The following RYR2 variants were observed in gnomAD, a reference collection of about 807,000 sequenced individuals.
RYR2 encodes the protein ryanodine receptor 2.
A neutral mutation model predicts 601.1 loss-of-function variants in RYR2; 227 were observed. The observed-to-expected ratio is 0.38, with a 90% confidence interval of 0.34 to 0.42. The LOEUF (loss-of-function observed/expected upper bound fraction) is 0.42. Among genes scored for constraint, RYR2 ranks in the 10% least tolerant of loss-of-function variants. The pLI is 1.00. For missense variants in RYR2, 4,646 were observed against 6,156.5 expected, an observed-to-expected ratio of 0.75 and a Z score of 8.21; for synonymous variants, 2,223 against 2,175.1, an observed-to-expected ratio of 1.02 and a Z score of -0.61.
chr1:237,061,272 C>CTAT (rs1662832866), intron 1 of RYR2, among the ~76,000 whole-genome samples: 1 of 132,468 alleles, frequency 7.5e-6, no homozygotes, highest in Non-Finnish European at 1.6e-5. Context: ...ATCTATCCAT[C>CTAT]TATCATCTAT....
chr1:237,436,234 T>G (rs1707336742), intron 12 of RYR2, among the ~76,000 whole-genome samples: 1 of 151,692 alleles, frequency 6.6e-6, no homozygotes, highest in South Asian at 2.1e-4. Flanking sequence ...AGTGATATCC[T>G]GTTCTATTCA....
chr1:237,562,920 C>T, intron 27 of RYR2, among the ~76,000 whole-genome samples: 1 of 152,108 alleles, frequency 6.6e-6, no homozygotes, highest in Non-Finnish European at 1.5e-5. Flanking sequence ...ATATATGGAG[C>T]ACTTACTTTG....
chr1:237,715,969 A>G (rs760774601), intron 71 of RYR2, among the ~76,000 whole-genome samples: 2 of 152,134 alleles, frequency 1.3e-5, no homozygotes, highest in Non-Finnish European at 2.9e-5. Context: ...ATTTTTTCTA[A>G]TAAACTTACT....
intron 17 of RYR2, among the ~76,000 whole-genome samples, chr1:237,485,468 T>C (rs1572541106): frequency 6.6e-6 from 1 of 152,182 alleles, no homozygotes; most frequent in South Asian, 2.1e-4. Flanking sequence ...GTGAATGTGC[T>C]TGTTACTACA....
chr1:237,670,094 C>T (rs946860028), intron 58 of RYR2, among the ~76,000 whole-genome samples: 2 of 152,130 alleles, frequency 1.3e-5, no homozygotes, highest in Admixed American at 6.5e-5. Context: ...GGAGACCGGC[C>T]TGGCCAACAC....
chr1:237,157,162 G>T (rs1675457035), intron 1 of RYR2, among the ~76,000 whole-genome samples: 1 of 151,808 alleles, frequency 6.6e-6, no homozygotes, highest in Non-Finnish European at 1.5e-5. Context: ...TGGGTGTGGT[G>T]GTGTGTACCT....
At chr1:237,196,802 G>A (rs1405903477) in intron 1 of RYR2, among the ~76,000 whole-genome samples, 1 of 152,152 alleles carries the variant, frequency 6.6e-6, no homozygotes, top group Non-Finnish European at 1.5e-5. Context: ...AAGTCTGTAA[G>A]ATACACAGTC....
At chr1:237,471,445 C>CA (rs1318267631) in intron 17 of RYR2, among the ~76,000 whole-genome samples, 1 of 152,154 alleles carries the variant, frequency 6.6e-6, no homozygotes, top group Non-Finnish European at 1.5e-5. Flanking sequence ...GCATAGATTA[C>CA]AAAAATGGAT....
chr1:237,145,364 T>C (rs1673895058), intron 1 of RYR2, among the ~76,000 whole-genome samples: 1 of 152,238 alleles, frequency 6.6e-6, no homozygotes, highest in Non-Finnish European at 1.5e-5. Context: ...TAAATATTCC[T>C]TTATGTGAAT....
chr1:237,451,688 T>C (rs1376456509), intron 14 of RYR2, among the ~76,000 whole-genome samples: 1 of 152,066 alleles, frequency 6.6e-6, no homozygotes, highest in Non-Finnish European at 1.5e-5. Flanking sequence ...GAGCATATGC[T>C]TTTCAGTAAA....
chr1:237,619,830 A>T (rs1305153976), intron 38 of RYR2, among the ~76,000 whole-genome samples: 1 of 152,180 alleles, frequency 6.6e-6, no homozygotes, highest in Non-Finnish European at 1.5e-5. Context: ...AGAAGAGACG[A>T]TCACCTCAGA....
At chr1:237,425,702 A>G (rs1280302318) in intron 12 of RYR2, among the ~76,000 whole-genome samples, 1 of 151,840 alleles carries the variant, frequency 6.6e-6, no homozygotes, top group Non-Finnish European at 1.5e-5. Flanking sequence ...ACCATCAACA[A>G]AATTGGTCCT....
At chr1:237,422,820 G>C (rs2150056542) in intron 11 of RYR2, among the ~76,000 whole-genome samples, 1 of 152,226 alleles carries the variant, frequency 6.6e-6, no homozygotes, top group Non-Finnish European at 1.5e-5. Flanking sequence ...CATAGAATAG[G>C]GCGCTGTGTG....
intron 67 of RYR2, 89 bp from the exon 68 acceptor site, chr1:237,706,860 T>C: frequency 8.7e-7 from 1 of 1,154,958 alleles, no homozygotes; most frequent in Non-Finnish European, 1.3e-6. Context: ...AATTTTGAAG[T>C]CCAAAATGAA....
At chr1:237,688,791 G>A (rs1435593103) in intron 63 of RYR2, among the ~76,000 whole-genome samples, 1 of 152,174 alleles carries the variant, frequency 6.6e-6, no homozygotes, top group Non-Finnish European at 1.5e-5. Flanking sequence ...TCTTCAGCAA[G>A]TGCTATCTAA....
chr1:237,603,707 C>T (rs907252792), intron 35 of RYR2, among the ~76,000 whole-genome samples: 27 of 152,088 alleles, frequency 1.8e-4, no homozygotes, highest in Non-Finnish European at 3.5e-4. Flanking sequence ...CACACATATG[C>T]TCAAAATAAA....
rs189263795 is a variant in RYR2 at position 237,570,013 on chromosome 1, C to T, written c.3598+694C>T. On this transcript the variant is annotated intron_variant, in intron 29 of 104. Transcript: ENST00000366574. ...TGGATGGATCACAAGGTCAGGAGTT[C>T]GAGACCAGCCTGACCAACATAGTGA... is the stretch of plus-strand genomic sequence containing the variant. 5.3e-5 allele frequency among the ~76,000 whole-genome samples: 8 copies of T among 152,036 alleles called. No homozygotes were observed. In the East Asian group the frequency reaches 1.2e-3, roughly 22 times the overall value.
intron 1 of RYR2, among the ~76,000 whole-genome samples, chr1:237,245,296 G>A (rs1448179413): frequency 6.6e-6 from 1 of 152,096 alleles, no homozygotes; most frequent in Non-Finnish European, 1.5e-5. Flanking sequence ...TTGTAGTTCT[G>A]TTTGAATGCC....
At chr1:237,059,367 T>C (rs556858436) in intron 1 of RYR2, among the ~76,000 whole-genome samples, 1 of 152,270 alleles carries the variant, frequency 6.6e-6, no homozygotes, top group South Asian at 2.1e-4. Context: ...CTTGCAAATC[T>C]TTGCATAAGA....
Sources: allele counts gnomAD v4.1 joint callset (sites outside exome capture counted in the v4.1 genomes callset), GRCh38; gene constraint gnomAD v4.1.1; transcripts MANE v1.5; gene names NCBI Gene and HGNC (gene_info 2026-07-23, HGNC 2026-07-21).